Variants in UBQLN4 observed in about 807,000 individuals in gnomAD.
UBQLN4 encodes ubiquilin-4.
Under a neutral mutation model 60.4 loss-of-function variants are expected in UBQLN4, and 11 were observed. That is an observed-to-expected ratio of 0.18 (90% CI 0.11 to 0.30). UBQLN4 has a LOEUF of 0.30. UBQLN4 is among the 10% of genes least tolerant of loss of function. The probability of loss-of-function intolerance (pLI) is 1.00; values close to 1 mark genes in which losing one functional copy is unlikely to be tolerated. For missense variants in UBQLN4, 417 were observed against 795.5 expected (o/e 0.52, Z 5.72); for synonymous variants, 258 against 313.1 (o/e 0.82, Z 1.86).
intron 10 of UBQLN4, among the ~76,000 whole-genome samples, 187 bp from the exon 11 acceptor site, chr1:156,037,317 C>G (rs1326244713): frequency 1.3e-5 from 2 of 152,138 alleles, no homozygotes; most frequent in African/African-American, 2.4e-5. Context: ...GTGTAATGGC[C>G]GGGTACGGTG....
Position 156,038,804 on chromosome 1 carries a change from GTCT to G in UBQLN4, c.1654-1677_1654-1675del, listed in dbSNP as rs1368272160. On this transcript the variant is annotated intron_variant, in intron 10 of 10. Coordinates refer to ENST00000368309, the MANE Select transcript of UBQLN4 (RefSeq NM_020131.5). Reference sequence around the variant, plus strand: ...TTACAGGCATGAGCCACTGCACTAGGTCTTCTTCTTTTTTTTTTTTTTTTGAGA... The same window carrying G: ...TTACAGGCATGAGCCACTGCACTAGGTCTTCTTTTTTTTTTTTTTTTGAGA... Among the ~76,000 whole-genome samples, 344 of 135,328 alleles carry G rather than the reference GTCT, an allele frequency of 2.5e-3. 3 individuals carry two copies. Among genetic ancestry groups the G allele is most frequent in the African/African-American group, 8.7e-3 (329 of 37,912 alleles). 88.8% of individuals were successfully genotyped at this position (135,328 alleles called of 152,430 possible).
Position 156,048,792 on chromosome 1 carries a change from G to A in UBQLN4, c.742-133C>T. 1.3e-5 allele frequency: 13 copies of A among 988,660 alleles called. No individual in the cohort carries two copies. Among genetic ancestry groups the A allele is most frequent in the East Asian group, 2.6e-5 (1 of 37,874 alleles). 61.2% of individuals were successfully genotyped at this position (988,660 alleles called of 1,614,324 possible). A position where few individuals can be genotyped will look rare whatever the true frequency, so the allele number is the denominator to read the frequency against. Reference sequence around the variant, plus strand: ...CCCAGGAACTGCCCCACAGTGACAGGGAGTAGAGTAAACTGGACTTCCTTC... The same window carrying A: ...CCCAGGAACTGCCCCACAGTGACAGAGAGTAGAGTAAACTGGACTTCCTTC... On this transcript the variant is annotated intron_variant, in intron 4 of 10. Transcript: ENST00000368309. This position sits in a 1 kb window ranked among gnomAD's most constrained non-coding sequence, Gnocchi z 4.9.
chr1:156,039,121 A>T (rs966882628), intron 10 of UBQLN4, among the ~76,000 whole-genome samples: 2 of 148,972 alleles, frequency 1.3e-5, no homozygotes, highest in African/African-American at 5.0e-5. Flanking sequence ...AAAGAAAAAA[A>T]TTTTTACAGA....
intron 6 of UBQLN4, among the ~76,000 whole-genome samples, chr1:156,043,754 T>C (rs1010434739): frequency 2.0e-5 from 3 of 152,098 alleles, no homozygotes; most frequent in African/African-American, 7.2e-5. Context: ...GAGGTGCTCA[T>C]GGAGCTTAGG....
Position 156,051,169 on chromosome 1 carries a change from C to A in UBQLN4, c.419G>T (p.Gly140Val). The change falls in exon 3 of 11, where the codon GGT (glycine) becomes GTT (valine). Residue 140 changes from glycine (G) to valine (V), a missense_variant. Gly to Val is a moderately radical substitution (Grantham distance 109). Coordinates refer to ENST00000368309, the MANE Select transcript of UBQLN4 (RefSeq NM_020131.5). ...DAGSGSRRSSGGGPSPGAGEG... is the reference protein window; with the variant it reads ...DAGSGSRRSSVGGPSPGAGEG... ...CCCAGCCCCCGGAGAGGGCCCCCCA[C>A]CACTGCTCCTCCGGCTTCCACTGCC... 3.7e-6 allele frequency: 6 copies of A among 1,611,996 alleles called. No homozygotes were observed. Among genetic ancestry groups the A allele is most frequent in the Non-Finnish European group, 5.1e-6 (6 of 1,179,046 alleles).
chr1:156,052,071 A>G (rs779655365), intron 1 of UBQLN4, among the ~76,000 whole-genome samples: 5 of 152,094 alleles, frequency 3.3e-5, no homozygotes, highest in Non-Finnish European at 7.4e-5. Flanking sequence ...TCTCAGCTCC[A>G]TCCCAGAGTC....
chr1:156,039,326 C>T (rs75438798), intron 10 of UBQLN4, among the ~76,000 whole-genome samples: 1 of 146,522 alleles, frequency 6.8e-6, no homozygotes, highest in East Asian at 2.0e-4. Context: ...TCTCAGCTCA[C>T]TACAACCTCT....
intron 10 of UBQLN4, among the ~76,000 whole-genome samples, chr1:156,040,535 T>G (rs1572271031): frequency 1.4e-5 from 2 of 138,296 alleles, no homozygotes; most frequent in South Asian, 5.1e-4. Context: ...AAGCTCCACC[T>G]CCCGAGTTCA....
rs1163796902 is a variant in UBQLN4 at position 156,050,343 on chromosome 1, T to C, written c.689A>G (p.Glu230Gly). 1 of 1,610,544 alleles carries C rather than the reference T, an allele frequency of 6.2e-7. No individual in the cohort carries two copies. Among genetic ancestry groups the C allele is most frequent in the Non-Finnish European group, 8.5e-7 (1 of 1,177,420 alleles). ...MANPQMQQLM[E>G]RNPEISHMLN... The stretch of plus-strand genomic sequence containing the variant: ...CATGTGGCTGATCTCAGGGTTCCGC[T>C]CCATCAACTGCTGCATCTGGGGGTT... Residue 230 changes from glutamate to glycine, a missense_variant, in exon 4 of 11, where the codon GAG (glutamate) becomes GGG (glycine). Coordinates refer to ENST00000368309, the MANE Select transcript of UBQLN4 (RefSeq NM_020131.5). This position sits in a 1 kb window ranked among gnomAD's most constrained non-coding sequence, Gnocchi z 4.6.
At chr1:156,040,584 T>TTG (rs1683537844) in intron 10 of UBQLN4, among the ~76,000 whole-genome samples, 1 of 151,012 alleles carries the variant, frequency 6.6e-6, no homozygotes, top group African/African-American at 2.4e-5. Flanking sequence ...TAGCTGGGAC[T>TTG]GCAGGCACCT....
In UBQLN4 at chr1:156,036,469, A is replaced by C; in HGVS notation, c.*509T>G. 8 of 986,336 alleles carry C rather than the reference A, an allele frequency of 8.1e-6. No homozygotes were observed. Among genetic ancestry groups the C allele is most frequent in the Non-Finnish European group, 9.6e-6 (8 of 830,458 alleles). 61.1% of individuals were successfully genotyped at this position (986,336 alleles called of 1,614,324 possible). A position where few individuals can be genotyped will look rare whatever the true frequency, so the allele number is the denominator to read the frequency against. ...AACCAGAATAGGGGCCGAGAAGGAA[A>C]ATTACCACCTGTTTCACCTGCTCCT... On this transcript the variant is annotated 3_prime_UTR_variant, in exon 11 of 11. Transcript: ENST00000368309.
chr1:156,044,227 G>T lies in UBQLN4; in HGVS notation c.901-4C>A. On this transcript the variant is annotated splice_region_variant and splice_polypyrimidine_tract_variant and intron_variant, in intron 5 of 10. Transcript: ENST00000368309. ...AAGAGAAGGGATTGTTGCCAAACTG[G>T]GAGGAGGGAAAGGTTTTGGGTTAAG... 6.4e-7 allele frequency: 1 copy of T among 1,558,868 alleles called. No individual in the cohort carries two copies. The highest frequency in any genetic ancestry group is 8.7e-7 in the Non-Finnish European group (1 of 1,150,906).
At chr1:156,033,287 G>C (rs549114035), downstream of UBQLN4, 10 of 985,454 alleles carry the variant, frequency 1.0e-5, no homozygotes, top group African/African-American at 1.7e-4. Flanking sequence ...CTGGGCAGAA[G>C]CCAGAAGAGC....
intron 7 of UBQLN4, 175 bp from the exon 8 acceptor site, chr1:156,042,411 C>A: frequency 7.0e-7 from 1 of 1,420,320 alleles, no homozygotes; most frequent in Non-Finnish European, 9.2e-7. Context: ...TGGAACTATG[C>A]TCTGGGTAAT....
intron 1 of UBQLN4, 111 bp from the exon 2 acceptor site, chr1:156,051,968 G>T: frequency 7.2e-7 from 1 of 1,382,504 alleles, no homozygotes; most frequent in Non-Finnish European, 9.9e-7. Context: ...CTCTAGTCAT[G>T]GGAAGTCCTT....
At chr1:156,042,514 C>G in intron 7 of UBQLN4, 1 of 1,213,846 alleles carries the variant, frequency 8.2e-7, no homozygotes, top group Non-Finnish European at 1.1e-6. Context: ...CTCTGTCACA[C>G]GCCATGTTCT....
At chr1:156,042,694 A>G in intron 7 of UBQLN4, 80 bp downstream of exon 7, 1 of 1,558,022 alleles carries the variant, frequency 6.4e-7, no homozygotes, top group South Asian at 1.2e-5. Context: ...CTGGCTCCAC[A>G]GTGTTTTGAC....
At chr1:156,044,829 A>G (rs979186560) in intron 5 of UBQLN4, among the ~76,000 whole-genome samples, 1 of 152,076 alleles carries the variant, frequency 6.6e-6, no homozygotes, top group Non-Finnish European at 1.5e-5. Context: ...CCCTAGCAGA[A>G]CACACCTCCA....
At chr1:156,038,990 C>T (rs1683476756) in intron 10 of UBQLN4, among the ~76,000 whole-genome samples, 1 of 152,220 alleles carries the variant, frequency 6.6e-6, no homozygotes, top group Middle Eastern at 3.4e-3. Context: ...CGTGGTTTCA[C>T]CATGTTGGCC....
Sources: allele counts gnomAD v4.1 joint callset (sites outside exome capture counted in the v4.1 genomes callset), GRCh38; gene constraint gnomAD v4.1.1; non-coding constraint Gnocchi (gnomAD v3.1); transcripts MANE v1.5; gene names NCBI Gene and HGNC (gene_info 2026-07-23, HGNC 2026-07-21).